The following SORCS1 variants were observed in gnomAD, a reference collection of about 807,000 sequenced individuals.
The protein encoded by SORCS1 is VPS10 domain-containing receptor SorCS1.
Under a neutral mutation model 146.1 loss-of-function variants are expected in SORCS1, and 60 were observed. The ratio of observed to expected loss-of-function variants is 0.41; its 90% confidence interval spans 0.33 to 0.51. The LOEUF (loss-of-function observed/expected upper bound fraction) is 0.51. Among genes scored for constraint, SORCS1 ranks in the 20% least tolerant of loss-of-function variants. The pLI is 0.21. For synonymous variants in SORCS1, 637 were observed against 584.0 expected, an observed-to-expected ratio of 1.09 and a Z score of -1.31; for missense variants, 1,352 against 1,487.6, an observed-to-expected ratio of 0.91 and a Z score of 1.50.
intron 24 of SORCS1, among the ~76,000 whole-genome samples, chr10:106,587,543 C>T (rs1313835228): frequency 5.3e-5 from 8 of 152,176 alleles, no homozygotes; most frequent in Non-Finnish European, 1.2e-4. Context: ...CGACCTAGGT[C>T]GAAATTTGAA....
At chr10:107,160,255 T>C (rs142002346) in intron 1 of SORCS1, among the ~76,000 whole-genome samples, 3 of 152,350 alleles carry the variant, frequency 2.0e-5, no homozygotes, top group Non-Finnish European at 4.4e-5. Context: ...TTAAAGTCCA[T>C]TGAACAAGCC....
At chr10:106,923,131 C>T (rs371749702) in intron 2 of SORCS1, among the ~76,000 whole-genome samples, 10 of 152,274 alleles carry the variant, frequency 6.6e-5, no homozygotes, top group Admixed American at 3.9e-4. Flanking sequence ...CCTCGTGATC[C>T]GCCCGCCTCA....
chr10:106,826,223 C>T (rs1286535445), intron 3 of SORCS1, among the ~76,000 whole-genome samples: 1 of 152,184 alleles, frequency 6.6e-6, no homozygotes, highest in African/African-American at 2.4e-5. Flanking sequence ...AACAGGTTTC[C>T]GGGAATGCTG....
In SORCS1 at chr10:106,590,204, C is replaced by CT. The variant is rs1005298308; in HGVS notation, c.3265+7146dup. Among the ~76,000 whole-genome samples the CT allele has an allele frequency of 9.1e-4, 139 of 152,186 alleles. 2 individuals are homozygous for CT. The highest frequency in any genetic ancestry group is 3.1e-3 in the African/African-American group (127 of 41,510). On this transcript the variant is annotated intron_variant, in intron 24 of 25. Transcript: ENST00000263054. Reference sequence around the variant, plus strand: ...TCTCAACCTGCAATGCTTATTTGCTCTTTTTTTGGTGAATTCCTATTCAAC... The same window carrying CT: ...TCTCAACCTGCAATGCTTATTTGCTCTTTTTTTTGGTGAATTCCTATTCAAC...
chr10:107,095,200 C>A (rs1964463236), intron 1 of SORCS1, among the ~76,000 whole-genome samples: 1 of 152,148 alleles, frequency 6.6e-6, no homozygotes, highest in South Asian at 2.1e-4. Context: ...ATAGCACCCA[C>A]AAGCATTAGG....
At chr10:106,972,947 G>A (rs1302780134) in intron 1 of SORCS1, among the ~76,000 whole-genome samples, 2 of 152,168 alleles carry the variant, frequency 1.3e-5, no homozygotes, top group African/African-American at 4.8e-5. Context: ...CTTGGCTTCT[G>A]ATCTGGAAGT....
upstream of SORCS1, among the ~76,000 whole-genome samples, chr10:107,165,334 AT>A (rs984491607): frequency 4.9e-5 from 6 of 122,088 alleles, no homozygotes; most frequent in East Asian, 2.3e-4. This position sits in a 1 kb window ranked among gnomAD's most constrained non-coding sequence, Gnocchi z 4.0. Context: ...AGTTTGGGGG[AT>A]TTTTTTTCCC....
intron 1 of SORCS1, among the ~76,000 whole-genome samples, chr10:107,074,963 T>A (rs1962757625): frequency 6.6e-6 from 1 of 152,162 alleles, no homozygotes; most frequent in Non-Finnish European, 1.5e-5. Flanking sequence ...TCACCTTTAT[T>A]GATAAGTGTT....
chr10:106,737,617 C>T (rs760654395), intron 5 of SORCS1, among the ~76,000 whole-genome samples: 12 of 152,028 alleles, frequency 7.9e-5, no homozygotes, highest in Admixed American at 6.5e-5. Context: ...CCCAGCTACT[C>T]AGGAGGCTGA....
intron 1 of SORCS1, among the ~76,000 whole-genome samples, chr10:107,141,617 G>C (rs960039993): frequency 6.6e-6 from 1 of 152,232 alleles, no homozygotes; most frequent in East Asian, 1.9e-4. Flanking sequence ...CCCACGCAGA[G>C]TGCAGTGGTA....
rs552599675 is a variant in SORCS1 at position 107,061,787 on chromosome 10, A to G, written c.558+102182T>C. ...ATAACTTAAAATTATTTTGGAAATA[A>G]GTAGGGCACACTAAACACATGAATG... On this transcript the variant is annotated intron_variant, in intron 1 of 25. Coordinates refer to ENST00000263054, the MANE Select transcript of SORCS1 (RefSeq NM_052918.5). Among the ~76,000 whole-genome samples, 5 of 152,310 alleles carry G rather than the reference A, an allele frequency of 3.3e-5. No individual in the cohort carries two copies. In the East Asian group the frequency reaches 7.7e-4, roughly 23 times the overall value.
At chr10:107,006,190 C>T (rs1478825952) in intron 1 of SORCS1, among the ~76,000 whole-genome samples, 1 of 152,176 alleles carries the variant, frequency 6.6e-6, no homozygotes, top group East Asian at 1.9e-4. Context: ...TCTAGGTCCT[C>T]CTGGTAGAAC....
intron 1 of SORCS1, among the ~76,000 whole-genome samples, chr10:107,111,563 T>C (rs1258312248): frequency 6.6e-6 from 1 of 152,074 alleles, no homozygotes; most frequent in Non-Finnish European, 1.5e-5. Context: ...GAAGAAAGCA[T>C]TAGGGACCTA....
At chr10:107,112,344 G>C (rs139610425) in intron 1 of SORCS1, among the ~76,000 whole-genome samples, 1 of 151,952 alleles carries the variant, frequency 6.6e-6, no homozygotes, top group South Asian at 2.1e-4. Context: ...GATGTTTTAC[G>C]TATGTTCCAT....
chr10:106,819,063 T>C (rs994004080), intron 3 of SORCS1, among the ~76,000 whole-genome samples: 2 of 152,212 alleles, frequency 1.3e-5, no homozygotes, highest in African/African-American at 4.8e-5. Flanking sequence ...TAATACCTTC[T>C]GGTTGAGTTG....
At chr10:106,712,883 C>A (rs1488524913) in intron 6 of SORCS1, among the ~76,000 whole-genome samples, 1 of 152,186 alleles carries the variant, frequency 6.6e-6, no homozygotes, top group Non-Finnish European at 1.5e-5. Context: ...CTCATCTTTT[C>A]TCCATGTGAC....
chr10:106,886,826 A>C (rs1444022430), intron 2 of SORCS1, among the ~76,000 whole-genome samples: 1 of 152,232 alleles, frequency 6.6e-6, no homozygotes, highest in Non-Finnish European at 1.5e-5. Context: ...CAAATGTATT[A>C]GACGATACAA....
At chr10:107,081,433 CA>C (rs1179611749) in intron 1 of SORCS1, among the ~76,000 whole-genome samples, 1 of 152,182 alleles carries the variant, frequency 6.6e-6, no homozygotes, top group South Asian at 2.1e-4. Flanking sequence ...ACCATTGTTG[CA>C]TAGACCCACA....
Position 106,736,083 on chromosome 10 carries a change from A to G in SORCS1, c.960-5969T>C, listed in dbSNP as rs547782575. On this transcript the variant is annotated intron_variant, in intron 5 of 25. Transcript: ENST00000263054. The stretch of plus-strand genomic sequence containing the variant: ...CTCTGAAATAGTATACCAGTGACAT[A>G]GCAGCGCAACATCAGCCTTCTGAAA... Among the ~76,000 whole-genome samples the G allele has an allele frequency of 2.0e-5, 3 of 152,338 alleles. No homozygotes were observed. The South Asian group carries it at 6.2e-4, about 32-fold the overall frequency.
Sources: gnomAD v4.1 joint callset for allele counts (sites outside exome capture counted in the v4.1 genomes callset) on GRCh38, gnomAD v4.1.1 for gene constraint, Gnocchi (gnomAD v3.1) non-coding constraint, MANE v1.5 for transcripts, NCBI Gene and HGNC (gene_info 2026-07-23, HGNC 2026-07-21) for gene names.